EHD1: variants seen among roughly 807,000 people sequenced by gnomAD.
EHD1 encodes the protein EH domain-containing protein 1.
A neutral mutation model predicts 39.0 loss-of-function variants in EHD1; 19 were observed. The observed-to-expected ratio is 0.49, with a 90% CI of 0.34 to 0.72. EHD1 has a LOEUF of 0.72. Among genes scored for constraint, EHD1 ranks in the 30% least tolerant of loss-of-function variants. The pLI is 0.01. For missense variants in EHD1, 542 were observed against 751.5 expected (o/e 0.72, Z 3.26); for synonymous variants, 323 against 331.2 (o/e 0.98, Z 0.27).
chr11:64,877,841 G>C, intron 1 of EHD1: 2 of 423,934 alleles, frequency 4.7e-6, no homozygotes, highest in Non-Finnish European at 8.2e-6. Flanking sequence ...AGATTCTGGG[G>C]AGGACAGAAG....
intron 1 of EHD1, among the ~76,000 whole-genome samples, chr11:64,875,984 T>C (rs577941273): frequency 2.0e-5 from 3 of 152,228 alleles, no homozygotes; most frequent in East Asian, 3.9e-4. Context: ...TTAATATCTA[T>C]AGGACCCAGA....
chr11:64,874,557 A>T, intron 1 of EHD1, 39 bp from the exon 2 acceptor site: 2 of 1,514,116 alleles, frequency 1.3e-6, no homozygotes, highest in Non-Finnish European at 1.8e-6. Context: ...GCGTCAAGAC[A>T]CAGTCATCAC....
chr11:64,879,452 C>T, upstream of EHD1: 5 of 1,226,536 alleles, frequency 4.1e-6, no homozygotes, highest in South Asian at 2.9e-5. Flanking sequence ...GAAGTGAAAT[C>T]GGAAATTCCC....
In EHD1 at chr11:64,855,475, G is replaced by A; in HGVS notation, c.927C>T (p.Tyr309=). The change falls in exon 4 of 5, where the codon TAC becomes TAT. Residue 309 remains tyrosine, a synonymous_variant. Transcript: ENST00000320631. Reference sequence around the variant, plus strand: ...TCTCTTTCTTGAGGGAGCTGATGATGTAGGCGTGAACCTGTGAGGACGGGG... The same window carrying A: ...TCTCTTTCTTGAGGGAGCTGATGATATAGGCGTGAACCTGTGAGGACGGGG... The part of the protein sequence containing the change: ...KRARLAKVHA[Y]IISSLKKEMP... 3.1e-6 allele frequency: 5 copies of A among 1,613,942 alleles called. No homozygotes were observed. Among genetic ancestry groups the A allele is most frequent in the Non-Finnish European group, 3.4e-6 (4 of 1,180,012 alleles).
chr11:64,862,523 A>G (rs1943726636), intron 2 of EHD1, among the ~76,000 whole-genome samples: 1 of 152,220 alleles, frequency 6.6e-6, no homozygotes, highest in Non-Finnish European at 1.5e-5. Context: ...TGAAAGCTGC[A>G]TGTTCAGAAT....
chr11:64,859,212 G>A (rs2136479610), intron 3 of EHD1, among the ~76,000 whole-genome samples: 1 of 152,334 alleles, frequency 6.6e-6, no homozygotes, highest in East Asian at 1.9e-4. Context: ...CCAGTACCCG[G>A]CATCCAGCAC....
chr11:64,870,398 C>T (rs1403157670), intron 2 of EHD1, among the ~76,000 whole-genome samples: 1 of 152,228 alleles, frequency 6.6e-6, no homozygotes, highest in Non-Finnish European at 1.5e-5. Flanking sequence ...AGGCCAATTA[C>T]TTAACTTTCC....
intron 1 of EHD1, 49 bp downstream of exon 1, chr11:64,878,012 G>T (rs1406007811): frequency 2.0e-6 from 3 of 1,473,588 alleles, no homozygotes; most frequent in Non-Finnish European, 2.7e-6. Context: ...TCCGAGTGAG[G>T]GGTGTGCCCC....
At chr11:64,865,293 G>C (rs1235045969) in intron 2 of EHD1, among the ~76,000 whole-genome samples, 1 of 152,256 alleles carries the variant, frequency 6.6e-6, no homozygotes, top group Non-Finnish European at 1.5e-5. Flanking sequence ...CAGCCTAAAA[G>C]ACGCCGGGTT....
At chr11:64,855,579 G>A in intron 3 of EHD1, 93 bp from the exon 4 acceptor site, 7 of 1,562,798 alleles carry the variant, frequency 4.5e-6, no homozygotes, top group Non-Finnish European at 6.0e-6. Flanking sequence ...ACTCCAAGGT[G>A]CTCGCTCAGG....
intron 1 of EHD1, chr11:64,875,477 G>T: frequency 6.6e-6 from 1 of 152,418 alleles, no homozygotes; most frequent in South Asian, 2.1e-4. Context: ...CTCGAACCCA[G>T]GAGGTGGAGC....
In EHD1 at chr11:64,852,175, C is replaced by T. The variant is rs1303764902; in HGVS notation, c.*2158G>A. 6.6e-6 allele frequency: 1 copy of T among 152,292 alleles called. No individual in the cohort carries two copies. The highest frequency in any genetic ancestry group is 2.4e-5 in the African/African-American group (1 of 41,456). 9.4% of individuals were successfully genotyped at this position (152,292 alleles called of 1,614,324 possible). On this transcript the variant is annotated 3_prime_UTR_variant, in exon 5 of 5. Coordinates refer to ENST00000320631, the MANE Select transcript of EHD1 (RefSeq NM_006795.4). ...TTTATGAAGGGTCACTAATCAGTCA[C>T]CCTTCCCTCTGCTGGTATAAACAGT...
intron 2 of EHD1, among the ~76,000 whole-genome samples, chr11:64,864,146 C>T (rs984696460): frequency 2.6e-5 from 4 of 152,276 alleles, no homozygotes; most frequent in African/African-American, 9.6e-5. Flanking sequence ...AAATAGGGCA[C>T]TCTGACCAGA....
At chr11:64,872,133 G>A (rs1434711540) in intron 2 of EHD1, among the ~76,000 whole-genome samples, 1 of 152,216 alleles carries the variant, frequency 6.6e-6, no homozygotes, top group Non-Finnish European at 1.5e-5. Flanking sequence ...CGAGCATGAT[G>A]GCCCGCGCCT....
At chr11:64,879,420 T>G (rs1251583264), upstream of EHD1, among the ~76,000 whole-genome samples, 1 of 152,032 alleles carries the variant, frequency 6.6e-6, no homozygotes, top group African/African-American at 2.4e-5. Flanking sequence ...AAGTTGAGGC[T>G]CTCTGGCCAC....
At position 64,868,828 on chromosome 11, in the gene EHD1, G is replaced by A. The variant is rs1217273541; in HGVS notation, c.502+5593C>T. Among the ~76,000 whole-genome samples the A allele has an allele frequency of 6.6e-6, 1 of 152,228 alleles. No individual in the cohort carries two copies. The highest frequency in any genetic ancestry group is 1.5e-5 in the Non-Finnish European group (1 of 68,046). ...CAGAAGCAACAAAAGAGGGGCGGGA[G>A]GGGGCAGAGGAACTCTGGAATCAGG... is the stretch of plus-strand genomic sequence containing the variant. On this transcript the variant is annotated intron_variant, in intron 2 of 4. Transcript: ENST00000320631. The surrounding 1 kb of genome is among the most constrained non-coding windows in gnomAD (Gnocchi z 4.2).
upstream of EHD1, chr11:64,879,263 G>C: frequency 1.9e-6 from 2 of 1,062,768 alleles, no homozygotes; most frequent in Non-Finnish European, 2.4e-6. Context: ...GCAGCGAGAG[G>C]CCTGACCTCC....
intron 3 of EHD1, 67 bp downstream of exon 3, chr11:64,859,857 G>A (rs1943693465): frequency 6.5e-7 from 1 of 1,540,426 alleles, no homozygotes; most frequent in African/African-American, 1.4e-5. Flanking sequence ...CTGGGGCCCT[G>A]AGTGCCAGTC....
intron 1 of EHD1, 72 bp downstream of exon 1, chr11:64,877,989 G>T: frequency 1.4e-6 from 2 of 1,412,806 alleles, no homozygotes; most frequent in East Asian, 2.6e-5. Flanking sequence ...CGACAGCCAC[G>T]GGAGGGTCAG....
Sources: gnomAD v4.1 joint callset for allele counts (sites outside exome capture counted in the v4.1 genomes callset) on GRCh38, gnomAD v4.1.1 for gene constraint, Gnocchi (gnomAD v3.1) non-coding constraint, MANE v1.5 for transcripts, NCBI Gene and HGNC (gene_info 2026-07-23, HGNC 2026-07-21) for gene names.